The following ANPEP variants were observed in gnomAD, a reference collection of about 807,000 sequenced individuals.
ANPEP encodes the protein aminopeptidase N.
A neutral mutation model predicts 114.6 loss-of-function variants in ANPEP; 70 were observed. That is an observed-to-expected ratio of 0.61 (90% confidence interval 0.50 to 0.75). The LOEUF (loss-of-function observed/expected upper bound fraction) is 0.75, where lower values mean the gene tolerates loss of function less well. Ranked by LOEUF, ANPEP falls within the 30% of genes least tolerant of loss-of-function variation. The pLI is 0.00. For missense variants in ANPEP, 1,184 were observed against 1,259.5 expected (o/e 0.94, Z 0.91); for synonymous variants, 548 against 522.3 (o/e 1.05, Z -0.67).
At position 89,801,164 on chromosome 15, in the gene ANPEP, G is replaced by A. The variant is rs1477442436; in HGVS notation, c.1766C>T (p.Thr589Ile). ...CTGCTGTCTGCCATCTCTGATGGAT[G>A]TGATGGGCACAATCCACACGTAGCT... The part of the protein sequence containing the change: ...EFNYVWIVPI[T>I]SIRDGRQQQD... Residue 589 changes from threonine to isoleucine, a missense_variant, in exon 12 of 21, where the codon ACA (threonine) becomes ATA (isoleucine). Coordinates refer to ENST00000300060, the MANE Select transcript of ANPEP (RefSeq NM_001150.3). 6.2e-7 allele frequency: 1 copy of A among 1,614,172 alleles called. No homozygotes were observed. The highest frequency in any genetic ancestry group is 1.3e-5 in the African/African-American group (1 of 75,064).
Position 89,799,676 on chromosome 15 carries a change from G to C in ANPEP, c.1820-117C>G, listed in dbSNP as rs540211160. 23 of 1,455,128 alleles carry C rather than the reference G, an allele frequency of 1.6e-5. No homozygotes were observed. In the South Asian group the frequency reaches 2.5e-4, roughly 16 times the overall value. The allele number at this position is 1,455,128 out of a possible 1,614,324, so 90.1% of individuals were successfully genotyped here. A position where few individuals can be genotyped will look rare whatever the true frequency, so the allele number is the denominator to read the frequency against. On this transcript the variant is annotated intron_variant, in intron 12 of 20. Coordinates refer to ENST00000300060, the MANE Select transcript of ANPEP (RefSeq NM_001150.3). The surrounding 1 kb of genome is among the most constrained non-coding windows in gnomAD (Gnocchi z 4.2). ...GCACCACCTCACCCTCAAGCTGCTG[G>C]GGAGACGCTAAGGGTGGGGAAGGAA...
chr15:89,804,812 C>A, intron 4 of ANPEP, 195 bp from the exon 5 acceptor site: 2 of 862,184 alleles, frequency 2.3e-6, no homozygotes, highest in Non-Finnish European at 3.5e-6. Flanking sequence ...TAGAGAAGGG[C>A]CTTTGGAGAA....
Position 89,805,160 on chromosome 15 carries a change from G to A in ANPEP, c.815C>T (p.Thr272Met), listed in dbSNP as rs746428295. 8.1e-6 allele frequency: 13 copies of A among 1,614,146 alleles called. No individual in the cohort carries two copies. The highest frequency in any genetic ancestry group is 2.5e-6 in the Non-Finnish European group (3 of 1,180,050). ...PNWNVTEFHT[T>M]PKMSTYLLAF... ...CAGCAAGTACGTGGACATCTTGGGC[G>A]TGGTGTGGAACTCAGTGACATTCCA... is the stretch of plus-strand genomic sequence containing the variant. The change falls in exon 4 of 21, where the codon ACG (threonine) becomes ATG (methionine). Residue 272 changes from threonine to methionine, a missense_variant. Transcript: ENST00000300060.
Position 89,799,655 on chromosome 15 carries a change from C to A in ANPEP, c.1820-96G>T. 6.4e-7 allele frequency: 1 copy of A among 1,555,772 alleles called. No individual in the cohort carries two copies. Among genetic ancestry groups the A allele is most frequent in the South Asian group, 1.2e-5 (1 of 86,318 alleles). The stretch of plus-strand genomic sequence containing the variant: ...AGCAGCTGCCCCCGCAGCCTGGCAC[C>A]ACCTCACCCTCAAGCTGCTGGGGAG... On this transcript the variant is annotated intron_variant, in intron 12 of 20. Coordinates refer to ENST00000300060, the MANE Select transcript of ANPEP (RefSeq NM_001150.3). The surrounding 1 kb of genome is among the most constrained non-coding windows in gnomAD (Gnocchi z 4.2).
chr15:89,808,069 G>C lies in ANPEP; in HGVS notation c.-223-1263C>G, dbSNP rs533661772. On this transcript the variant is annotated intron_variant, in intron 1 of 20. Transcript: ENST00000300060. ...CACTGCTAAAAAAAACCTTCCTTTT[G>C]CTTGTAGAGTCCAGACCAGACCTTC... is the stretch of plus-strand genomic sequence containing the variant. Among the ~76,000 whole-genome samples, 32 of 152,174 alleles carry C rather than the reference G, an allele frequency of 2.1e-4. No homozygotes were observed. The South Asian group carries it at 6.6e-3, about 32-fold the overall frequency.
In ANPEP at chr15:89,803,188, G is replaced by T; in HGVS notation, c.1569+51C>A. 1 of 1,582,172 alleles carries T rather than the reference G, an allele frequency of 6.3e-7. No homozygotes were observed. The highest frequency in any genetic ancestry group is 8.7e-7 in the Non-Finnish European group (1 of 1,151,026). ...CATGTGCTGCCCCCAGGTACCTTCA[G>T]CATCTCAAGACCCCAACAGGATGGC... On this transcript the variant is annotated intron_variant, in intron 10 of 20. Coordinates refer to ENST00000300060, the MANE Select transcript of ANPEP (RefSeq NM_001150.3). This position sits in a 1 kb window ranked among gnomAD's most constrained non-coding sequence, Gnocchi z 4.2.
chr15:89,807,404 T>C (rs1222786693), intron 1 of ANPEP, among the ~76,000 whole-genome samples: 1 of 152,162 alleles, frequency 6.6e-6, no homozygotes, highest in Non-Finnish European at 1.5e-5. Context: ...AGTAGAATGA[T>C]TAAAAATCAT....
intron 20 of ANPEP, among the ~76,000 whole-genome samples, chr15:89,786,178 A>C (rs967045456): frequency 2.0e-5 from 3 of 152,192 alleles, no homozygotes; most frequent in African/African-American, 7.2e-5. Flanking sequence ...ACAAGAATAA[A>C]ATATTTAGGA....
At chr15:89,800,920 G>A (rs1467905100) in intron 12 of ANPEP, among the ~76,000 whole-genome samples, 191 bp downstream of exon 12, 2 of 152,158 alleles carry the variant, frequency 1.3e-5, no homozygotes, top group Non-Finnish European at 2.9e-5. Flanking sequence ...TTATAGAAGA[G>A]GAACTAGAGA....
chr15:89,803,290 G>T lies in ANPEP; in HGVS notation c.1518C>A (p.Thr506=). The T allele has an allele frequency of 6.2e-7, 1 of 1,614,136 alleles. No individual in the cohort carries two copies. The highest frequency in any genetic ancestry group is 8.5e-7 in the Non-Finnish European group (1 of 1,179,980). ...GGTAGATGGTGTTCTGGTAGGCAAAGGTGTGGAGGTAGGACTGTGGAAAGA... is the reference window on the plus strand; with the variant it reads ...GGTAGATGGTGTTCTGGTAGGCAAATGTGTGGAGGTAGGACTGTGGAAAGA... ...FKQGLASYLH[T]FAYQNTIYLN... is the part of the protein sequence containing the mutation. The change falls in exon 10 of 21, where the codon ACC becomes ACA. Residue 506 remains threonine, a synonymous_variant. Coordinates refer to ENST00000300060, the MANE Select transcript of ANPEP (RefSeq NM_001150.3). The surrounding 1 kb of genome is among the most constrained non-coding windows in gnomAD (Gnocchi z 4.2).
At chr15:89,792,913 TG>T (rs1968660227) in intron 16 of ANPEP, 121 bp downstream of exon 16, 2 of 865,152 alleles carry the variant, frequency 2.3e-6, no homozygotes, top group African/African-American at 1.7e-5. Flanking sequence ...TGCTCCTGGG[TG>T]GGGGTCTCTC....
At position 89,806,644 on chromosome 15, in the gene ANPEP, G is replaced by C. The variant is rs1894722515; in HGVS notation, c.-61C>G. On this transcript the variant is annotated 5_prime_UTR_variant, in exon 2 of 21. Coordinates refer to ENST00000300060, the MANE Select transcript of ANPEP (RefSeq NM_001150.3). This position sits in a 1 kb window ranked among gnomAD's most constrained non-coding sequence, Gnocchi z 5.7. Reference sequence around the variant, plus strand: ...CCAGGCAGAGAACGGAGCAGCCCCAGGCCGGGCTTATATCCCCAAAGGGGA... The same window carrying C: ...CCAGGCAGAGAACGGAGCAGCCCCACGCCGGGCTTATATCCCCAAAGGGGA... The C allele has an allele frequency of 2.0e-6, 3 of 1,479,464 alleles. No individual in the cohort carries two copies. The highest frequency in any genetic ancestry group is 2.7e-6 in the Non-Finnish European group (3 of 1,114,130). The allele number at this position is 1,479,464 out of a possible 1,614,324, so 91.6% of individuals were successfully genotyped here. A position where few individuals can be genotyped will look rare whatever the true frequency, so the allele number is the denominator to read the frequency against.
rs562634386 is a variant in ANPEP at position 89,793,225 on chromosome 15, C to T, written c.2158-99G>A. ...GTTGGGGGGCAGGCGCTGGCAGAGA[C>T]GTCAGAGGTCAGGGCCTCACCTGAG... On this transcript the variant is annotated intron_variant, in intron 15 of 20. Transcript: ENST00000300060. The T allele has an allele frequency of 5.6e-5, 59 of 1,055,828 alleles. No homozygotes were observed. In the Middle Eastern group the frequency reaches 2.0e-3, roughly 35 times the overall value. 65.4% of individuals were successfully genotyped at this position (1,055,828 alleles called of 1,614,324 possible). A position where few individuals can be genotyped will look rare whatever the true frequency, so the allele number is the denominator to read the frequency against.
chr15:89,805,213 G>A lies in ANPEP; in HGVS notation c.762C>T (p.Pro254=). 4 of 1,614,232 alleles carry A rather than the reference G, an allele frequency of 2.5e-6. No homozygotes were observed. The highest frequency in any genetic ancestry group is 3.4e-6 in the Non-Finnish European group (4 of 1,180,042). ...TALSNMLPKG[P]STPLPEDPNW... ...TGGGGTCTTCTGGAAGTGGGGTGCT[G>A]GGACCTGGGCAGGGAGCATGTGTGT... The change falls in exon 4 of 21, where the codon CCC becomes CCT. Residue 254 remains proline (P), a synonymous_variant. Transcript: ENST00000300060.
At position 89,803,863 on chromosome 15, in the gene ANPEP, A is replaced by T; in HGVS notation, c.1293+26T>A. 6.2e-7 allele frequency: 1 copy of T among 1,614,018 alleles called. No homozygotes were observed. Among genetic ancestry groups the T allele is most frequent in the Middle Eastern group, 1.7e-4 (1 of 6,058 alleles). ...CCAGGTCTCCCTCCATGCCCCCCGC[A>T]CCAGACCCCTGGGCAGCTGGCTTAC... On this transcript the variant is annotated intron_variant, in intron 7 of 20. Coordinates refer to ENST00000300060, the MANE Select transcript of ANPEP (RefSeq NM_001150.3). The surrounding 1 kb of genome is among the most constrained non-coding windows in gnomAD (Gnocchi z 4.2).
intron 1 of ANPEP, among the ~76,000 whole-genome samples, chr15:89,814,467 C>T (rs1425183305): frequency 1.3e-5 from 2 of 152,228 alleles, no homozygotes; most frequent in East Asian, 3.9e-4. Context: ...CCCGTCCGTC[C>T]TCCCCAGGCT....
intron 15 of ANPEP, among the ~76,000 whole-genome samples, chr15:89,796,618 G>A (rs1378904364): frequency 6.6e-6 from 1 of 151,804 alleles, no homozygotes; most frequent in Non-Finnish European, 1.5e-5. Flanking sequence ...CTCCCGAGTA[G>A]CTGGGACTAC....
Position 89,799,109 on chromosome 15 carries a change from C to T in ANPEP, c.2009+151G>A. 1 of 812,252 alleles carries T rather than the reference C, an allele frequency of 1.2e-6. No homozygotes were observed. The highest frequency in any genetic ancestry group is 2.0e-6 in the Non-Finnish European group (1 of 500,048). The allele number at this position is 812,252 out of a possible 1,614,324, so 50.3% of individuals were successfully genotyped here. On this transcript the variant is annotated intron_variant, in intron 14 of 20. Coordinates refer to ENST00000300060, the MANE Select transcript of ANPEP (RefSeq NM_001150.3). The surrounding 1 kb of genome is among the most constrained non-coding windows in gnomAD (Gnocchi z 4.2). ...CATCTGTGAAATGGGTGTGTGGGGA[C>T]CCAGGGAGGGACGTCCAGGGAGCAC...
chr15:89,804,586 G>A lies in ANPEP; in HGVS notation c.929C>T (p.Ala310Val), dbSNP rs1025516664. 9.9e-6 allele frequency: 16 copies of A among 1,614,036 alleles called. No individual in the cohort carries two copies. The highest frequency in any genetic ancestry group is 4.5e-5 in the East Asian group (2 of 44,878). Residue 310 changes from alanine to valine, a missense_variant, in exon 5 of 21, where the codon GCG becomes GTG. Physicochemically the swap from Ala to Val is moderately conservative, Grantham distance 64. Coordinates refer to ENST00000300060, the MANE Select transcript of ANPEP (RefSeq NM_001150.3). Reference sequence around the variant, plus strand: ...CAGGGCATAATCGCCGTGGCCCGCCGCAATGGCACTGGGCCGGGCCCAGAT... The same window carrying A: ...CAGGGCATAATCGCCGTGGCCCGCCACAATGGCACTGGGCCGGGCCCAGAT... Reference protein sequence around the residue: ...IRIWARPSAIAAGHGDYALNV... With the variant: ...IRIWARPSAIVAGHGDYALNV...
Sources: allele counts gnomAD v4.1 joint callset (sites outside exome capture counted in the v4.1 genomes callset), GRCh38; gene constraint gnomAD v4.1.1; non-coding constraint Gnocchi (gnomAD v3.1); transcripts MANE v1.5; gene names NCBI Gene and HGNC (gene_info 2026-07-23, HGNC 2026-07-21).